Variants in LDB2 observed in about 807,000 individuals in gnomAD.
The protein encoded by LDB2 is LIM domain binding 2.
LDB2 carries 12 observed loss-of-function variants against 44.3 expected under a neutral mutation model. The observed-to-expected ratio is 0.27, with a 90% CI of 0.17 to 0.44. LDB2 has a LOEUF of 0.44. Ranked by LOEUF, LDB2 falls within the 20% of genes least tolerant of loss-of-function variation. The pLI, the probability that LDB2 is intolerant of heterozygous loss-of-function variation, is 1.00. For missense variants in LDB2, 344 were observed against 473.5 expected (o/e 0.73, Z 2.54); for synonymous variants, 164 against 174.8 (o/e 0.94, Z 0.49).
At chr4:16,831,027 A>G (rs1783966387) in intron 1 of LDB2, among the ~76,000 whole-genome samples, 1 of 152,182 alleles carries the variant, frequency 6.6e-6, no homozygotes, top group Non-Finnish European at 1.5e-5. Context: ...GACTGTGTCC[A>G]TGGAATCTAT....
intron 1 of LDB2, among the ~76,000 whole-genome samples, chr4:16,859,426 T>A (rs944020161): frequency 6.6e-6 from 1 of 152,198 alleles, no homozygotes; most frequent in African/African-American, 2.4e-5. Flanking sequence ...TTGAAAGCCA[T>A]AACAGTATGG....
At chr4:16,663,042 G>T (rs992226738) in intron 2 of LDB2, among the ~76,000 whole-genome samples, 6 of 151,984 alleles carry the variant, frequency 3.9e-5, no homozygotes, top group Non-Finnish European at 8.8e-5. Flanking sequence ...CCAAGTATTT[G>T]TTTCCTGGGG....
At chr4:16,852,640 G>A (rs999592804) in intron 1 of LDB2, among the ~76,000 whole-genome samples, 4 of 152,090 alleles carry the variant, frequency 2.6e-5, no homozygotes, top group Non-Finnish European at 4.4e-5. Context: ...TTTGACCTTA[G>A]CTATTTTTAG....
chr4:16,692,148 T>C (rs1370241510), intron 2 of LDB2, among the ~76,000 whole-genome samples: 3 of 152,132 alleles, frequency 2.0e-5, no homozygotes, highest in African/African-American at 7.2e-5. Flanking sequence ...GAGGGACAAA[T>C]TCTACATGGA....
chr4:16,850,651 GA>G (rs989894612), intron 1 of LDB2, among the ~76,000 whole-genome samples: 71 of 152,244 alleles, frequency 4.7e-4, no homozygotes, highest in African/African-American at 1.6e-3. Context: ...CCCCTAGAAT[GA>G]TAATCCCTTT....
At chr4:16,869,305 TAA>T (rs33934693) in intron 1 of LDB2, among the ~76,000 whole-genome samples, 1 of 139,072 alleles carries the variant, frequency 7.2e-6, no homozygotes. Flanking sequence ...GCAAAAGTCA[TAA>T]AAAAAAAAAA....
intron 1 of LDB2, among the ~76,000 whole-genome samples, chr4:16,869,838 C>T (rs775911264): frequency 4.6e-5 from 7 of 152,194 alleles, no homozygotes; most frequent in Non-Finnish European, 7.3e-5. Context: ...ATTTGAGGAA[C>T]ATCCTGCTGT....
chr4:16,845,862 G>C (rs944187917), intron 1 of LDB2, among the ~76,000 whole-genome samples: 2 of 151,948 alleles, frequency 1.3e-5, no homozygotes, highest in Non-Finnish European at 2.9e-5. Context: ...AATCCCAGCA[G>C]TTTGGGAGGC....
Position 16,759,202 on chromosome 4 carries a change from G to A in LDB2, c.191C>T (p.Thr64Ile), listed in dbSNP as rs1351739079. 1.9e-6 allele frequency: 3 copies of A among 1,613,972 alleles called. No individual in the cohort carries two copies. In the Admixed American group the frequency reaches 5.0e-5, roughly 27 times the overall value. The change falls in exon 2 of 8, where the codon ACA becomes ATA. Residue 64 changes from threonine (T) to isoleucine (I), a missense_variant. This residue lies in a region of LDB2 where 226 missense variants were observed against 270.1 expected (regional missense o/e 0.84). Coordinates refer to ENST00000304523, the MANE Select transcript of LDB2 (RefSeq NM_001290.5). The stretch of plus-strand genomic sequence containing the variant: ...TTCCAAACAAAATGAAAGGGTTAAT[G>A]TGGCGTCATCTTCAAAAAATTCAGT... ...FATEFFEDDA[T>I]LTLSFCLEDG... is the part of the protein sequence containing the mutation.
chr4:16,638,202 C>T (rs1734129824), intron 2 of LDB2, among the ~76,000 whole-genome samples: 1 of 152,128 alleles, frequency 6.6e-6, no homozygotes, highest in Non-Finnish European at 1.5e-5. Flanking sequence ...AGGGGTTCAG[C>T]ATTGCAGGAA....
At chr4:16,732,995 A>G (rs1761073980) in intron 2 of LDB2, among the ~76,000 whole-genome samples, 1 of 152,172 alleles carries the variant, frequency 6.6e-6, no homozygotes. Flanking sequence ...GAGGTTACAC[A>G]CTCAAATCAC....
intron 2 of LDB2, among the ~76,000 whole-genome samples, chr4:16,619,375 GT>G (rs1453689493): frequency 6.6e-6 from 1 of 152,102 alleles, no homozygotes; most frequent in Non-Finnish European, 1.5e-5. Flanking sequence ...AAATATTTCA[GT>G]TTTCAAACCA....
chr4:16,771,734 G>A (rs961354762), intron 1 of LDB2, among the ~76,000 whole-genome samples: 1 of 152,152 alleles, frequency 6.6e-6, no homozygotes, highest in African/African-American at 2.4e-5. Context: ...ATCCACCCAT[G>A]TTTCTTTCCT....
At chr4:16,651,934 C>A (rs1738394941) in intron 2 of LDB2, among the ~76,000 whole-genome samples, 1 of 152,130 alleles carries the variant, frequency 6.6e-6, no homozygotes, top group Non-Finnish European at 1.5e-5. Context: ...CCCAAGAATT[C>A]TATAAAACTA....
intron 5 of LDB2, among the ~76,000 whole-genome samples, chr4:16,550,241 A>G (rs1737202736): frequency 6.6e-6 from 1 of 152,230 alleles, no homozygotes; most frequent in South Asian, 2.1e-4. Flanking sequence ...AAGCCTTCTT[A>G]GGTCCTACTA....
intron 1 of LDB2, among the ~76,000 whole-genome samples, chr4:16,775,109 TCAGA>T (rs1411328145): frequency 6.6e-6 from 1 of 152,214 alleles, no homozygotes; most frequent in African/African-American, 2.4e-5. Flanking sequence ...CTGTGTGATC[TCAGA>T]CAAATTACCA....
rs186290312 is a variant in LDB2 at position 16,536,233 on chromosome 4, G to A, written c.616-24129C>T. On this transcript the variant is annotated intron_variant, in intron 5 of 7. Transcript: ENST00000304523. The stretch of plus-strand genomic sequence containing the variant: ...ATTTGTGTAGGAGCAGATAGCAAGC[G>A]TCAGCCTTTTATCTCCCTGGCTGGG... Among the ~76,000 whole-genome samples the A allele has an allele frequency of 1.9e-3, 294 of 152,308 alleles. 2 individuals are homozygous for A. The highest frequency in any genetic ancestry group is 6.8e-3 in the African/African-American group (284 of 41,560).
intron 2 of LDB2, among the ~76,000 whole-genome samples, chr4:16,701,213 AG>A (rs1381645463): frequency 2.0e-5 from 3 of 152,236 alleles, no homozygotes; most frequent in African/African-American, 7.2e-5. Context: ...CTGATTCCTT[AG>A]AAGGCAGCCT....
chr4:16,680,160 A>G (rs1247743911), intron 2 of LDB2, among the ~76,000 whole-genome samples: 6 of 152,210 alleles, frequency 3.9e-5, no homozygotes, highest in Admixed American at 3.9e-4. Context: ...GCCGGGATAC[A>G]GCAAGAAGGC....
Sources: allele counts gnomAD v4.1 joint callset (sites outside exome capture counted in the v4.1 genomes callset), GRCh38; gene constraint gnomAD v4.1.1; regional missense constraint gnomAD v4.1.1; transcripts MANE v1.5; gene names NCBI Gene and HGNC (gene_info 2026-07-23, HGNC 2026-07-21).